The following GRIN2B variants were observed in gnomAD, a reference collection of about 807,000 sequenced individuals.
The protein encoded by GRIN2B is glutamate receptor ionotropic, NMDA 2B.
GRIN2B carries 5 observed loss-of-function variants against 114.5 expected under a neutral mutation model. That is an observed-to-expected ratio of 0.04 (90% CI 0.02 to 0.09). The LOEUF (loss-of-function observed/expected upper bound fraction) is 0.09. GRIN2B is among the 10% of genes least tolerant of loss of function. The probability of loss-of-function intolerance (pLI) is 1.00; values close to 1 mark genes in which losing one functional copy is unlikely to be tolerated. For synonymous variants in GRIN2B, 787 were observed against 745.1 expected (o/e 1.06, Z -0.92); for missense variants, 1,108 against 1,943.5 (o/e 0.57, Z 8.08).
chr12:13,869,627 A>G (rs1176806628), intron 2 of GRIN2B, among the ~76,000 whole-genome samples: 2 of 152,230 alleles, frequency 1.3e-5, no homozygotes. Context: ...GGTTAAGTAC[A>G]TGACCAAGAT....
intron 3 of GRIN2B, among the ~76,000 whole-genome samples, chr12:13,823,356 T>C (rs746517369): frequency 6.6e-6 from 1 of 152,098 alleles, no homozygotes; most frequent in Admixed American, 6.5e-5. Context: ...CAATGCTTCA[T>C]AGTTTTCAGG....
intron 5 of GRIN2B, among the ~76,000 whole-genome samples, chr12:13,621,199 G>A (rs1949508911): frequency 6.6e-6 from 1 of 152,138 alleles, no homozygotes; most frequent in South Asian, 2.1e-4. Flanking sequence ...AAAGAGCAAT[G>A]AAAAATAGTA....
chr12:13,571,320 A>T (rs1289389532), intron 11 of GRIN2B, among the ~76,000 whole-genome samples: 4 of 152,158 alleles, frequency 2.6e-5, no homozygotes. Flanking sequence ...GAATGGACAA[A>T]CACTCCCTAG....
At chr12:13,743,579 T>C (rs1863322035) in intron 4 of GRIN2B, among the ~76,000 whole-genome samples, 1 of 152,014 alleles carries the variant, frequency 6.6e-6, no homozygotes, top group Non-Finnish European at 1.5e-5. Context: ...TAAACAAAAG[T>C]GCCTGAAAGA....
At chr12:13,644,137 G>A (rs1395532073) in intron 5 of GRIN2B, among the ~76,000 whole-genome samples, 1 of 152,146 alleles carries the variant, frequency 6.6e-6, no homozygotes. Context: ...CATTACATAT[G>A]GCAGCTATAG....
intron 3 of GRIN2B, among the ~76,000 whole-genome samples, chr12:13,799,042 G>A (rs977597886): frequency 1.3e-5 from 2 of 152,154 alleles, no homozygotes; most frequent in Non-Finnish European, 2.9e-5. Context: ...TTGGGTACTG[G>A]GACTGCAATT....
At chr12:13,898,645 C>T (rs183597232) in intron 2 of GRIN2B, among the ~76,000 whole-genome samples, 41 of 152,352 alleles carry the variant, frequency 2.7e-4, no homozygotes, top group African/African-American at 9.4e-4. Context: ...GGCACGGTGG[C>T]TCATGCCTGT....
rs557385392 is a variant in GRIN2B at position 13,941,743 on chromosome 12, A to G, written c.-19+38185T>C. 6.6e-5 allele frequency among the ~76,000 whole-genome samples: 10 copies of G among 152,356 alleles called. No individual in the cohort carries two copies. The East Asian group carries it at 1.9e-3, about 29-fold the overall frequency. ...TTTCCAGTCTGTTAGCGTCCTAAGG[A>G]CAAATGAAAAGTGTCACTTCTAGAT... On this transcript the variant is annotated intron_variant, in intron 2 of 13. Transcript: ENST00000609686.
intron 5 of GRIN2B, among the ~76,000 whole-genome samples, chr12:13,617,257 G>A (rs1318578504): frequency 3.9e-5 from 6 of 152,242 alleles, no homozygotes; most frequent in African/African-American, 1.2e-4. Flanking sequence ...CACTGTTTGG[G>A]AAGGGAGCAC....
chr12:13,692,760 C>CTTTCTTTTTTTTTTT (rs1427827056), intron 4 of GRIN2B, among the ~76,000 whole-genome samples: 622 of 51,956 alleles, frequency 0.012, 101 homozygotes, highest in Non-Finnish European at 0.017. Context: ...TCTTTCTTTT[C>CTTTCTTTTTTTTTTT]TTTTTTTTTT....
At chr12:13,884,628 A>G (rs1866124219) in intron 2 of GRIN2B, among the ~76,000 whole-genome samples, 1 of 152,036 alleles carries the variant, frequency 6.6e-6, no homozygotes, top group African/African-American at 2.4e-5. Flanking sequence ...GACCTCCAAT[A>G]AAAATTTTTA....
intron 5 of GRIN2B, among the ~76,000 whole-genome samples, chr12:13,630,386 T>C (rs1252663432): frequency 6.6e-6 from 1 of 152,222 alleles, no homozygotes; most frequent in Non-Finnish European, 1.5e-5. Flanking sequence ...GAATCAGATA[T>C]CCCAGTATTC....
At chr12:13,632,288 C>T (rs145068017) in intron 5 of GRIN2B, among the ~76,000 whole-genome samples, 212 of 152,334 alleles carry the variant, frequency 1.4e-3, no homozygotes, top group African/African-American at 4.9e-3. Flanking sequence ...CAGGCAAAAG[C>T]CACCATCTTT....
chr12:13,719,212 C>A (rs995232411), intron 4 of GRIN2B, among the ~76,000 whole-genome samples: 26 of 152,068 alleles, frequency 1.7e-4, no homozygotes, highest in African/African-American at 5.3e-4. Context: ...TTCTCTCCTG[C>A]ACAGTGAGCC....
chr12:13,562,126 G>A lies in GRIN2B; in HGVS notation c.*657C>T, dbSNP rs1215681819. ...ATAACGTACTTTCCAGTTTGTTCAAGAATCCACTCTGCCACCAATGACCTT... is the reference window on the plus strand; with the variant it reads ...ATAACGTACTTTCCAGTTTGTTCAAAAATCCACTCTGCCACCAATGACCTT... On this transcript the variant is annotated 3_prime_UTR_variant, in exon 14 of 14. Transcript: ENST00000609686. 1 of 152,598 alleles carries A rather than the reference G, an allele frequency of 6.6e-6. No individual in the cohort carries two copies. The highest frequency in any genetic ancestry group is 2.4e-5 in the African/African-American group (1 of 41,440). The allele number at this position is 152,598 out of a possible 1,614,324, so 9.5% of individuals were successfully genotyped here. A position where few individuals can be genotyped will look rare whatever the true frequency, so the allele number is the denominator to read the frequency against.
intron 2 of GRIN2B, among the ~76,000 whole-genome samples, chr12:13,957,488 T>G (rs1212400393): frequency 6.6e-6 from 1 of 152,170 alleles, no homozygotes; most frequent in East Asian, 1.9e-4. Context: ...AACCTTCCAC[T>G]GGGCCAGATG....
chr12:13,682,074 A>T (rs2136547242), intron 4 of GRIN2B, among the ~76,000 whole-genome samples: 1 of 152,246 alleles, frequency 6.6e-6, no homozygotes, highest in South Asian at 2.1e-4. Flanking sequence ...TAAAAATTAG[A>T]TTTTCAGTGT....
intron 5 of GRIN2B, among the ~76,000 whole-genome samples, chr12:13,618,036 G>T (rs1035987113): frequency 1.3e-5 from 2 of 152,166 alleles, no homozygotes; most frequent in African/African-American, 4.8e-5. Context: ...ATGATGTTTT[G>T]CTTCTTTGTT....
At chr12:13,934,948 A>G (rs1472958661) in intron 2 of GRIN2B, among the ~76,000 whole-genome samples, 7 of 152,122 alleles carry the variant, frequency 4.6e-5, no homozygotes, top group Non-Finnish European at 8.8e-5. Flanking sequence ...TCCGATCACA[A>G]TCAGCAGCTT....
Sources: allele counts gnomAD v4.1 joint callset (sites outside exome capture counted in the v4.1 genomes callset), GRCh38; gene constraint gnomAD v4.1.1; transcripts MANE v1.5; gene names NCBI Gene and HGNC (gene_info 2026-07-23, HGNC 2026-07-21).